The following OSBPL5 variants were observed in gnomAD, a reference collection of about 807,000 sequenced individuals.
OSBPL5 encodes the protein oxysterol binding protein like 5.
Under a neutral mutation model 111.2 loss-of-function variants are expected in OSBPL5, and 71 were observed. That is an observed-to-expected ratio of 0.64 (90% confidence interval 0.53 to 0.78). OSBPL5 has a LOEUF of 0.78. OSBPL5 is among the 30% of genes least tolerant of loss of function. OSBPL5 has a pLI of 0.00. For missense variants in OSBPL5, 1,210 were observed against 1,189.3 expected, an observed-to-expected ratio of 1.02 and a Z score of -0.26; for synonymous variants, 549 against 513.9, an observed-to-expected ratio of 1.07 and a Z score of -0.93.
chr11:3,165,005 G>C lies in OSBPL5; in HGVS notation c.-22+211C>G, dbSNP rs1345500222. The stretch of plus-strand genomic sequence containing the variant: ...CGCCCCCAGGCTCCCGCGCTCCCCA[G>C]CTCCCCAGCGCGCGACCGGCCCCGC... On this transcript the variant is annotated intron_variant, in intron 1 of 21. Transcript: ENST00000263650. This position sits in a 1 kb window ranked among gnomAD's most constrained non-coding sequence, Gnocchi z 7.4. Among the ~76,000 whole-genome samples the C allele has an allele frequency of 2.0e-5, 3 of 149,012 alleles. No homozygotes were observed. The highest frequency in any genetic ancestry group is 4.5e-5 in the Non-Finnish European group (3 of 67,344).
At chr11:3,133,092 C>T (rs890445907) in intron 1 of OSBPL5, among the ~76,000 whole-genome samples, 1 of 152,244 alleles carries the variant, frequency 6.6e-6, no homozygotes, top group Non-Finnish European at 1.5e-5. Flanking sequence ...GGCTGATTTC[C>T]ACTGGAACCC....
intron 20 of OSBPL5, among the ~76,000 whole-genome samples, 185 bp downstream of exon 20, chr11:3,090,373 G>A (rs1175717278): frequency 6.6e-6 from 1 of 151,804 alleles, no homozygotes; most frequent in East Asian, 1.9e-4. Flanking sequence ...GTTGGCCCTT[G>A]GGCTGCCTCC....
intron 1 of OSBPL5, among the ~76,000 whole-genome samples, chr11:3,145,947 C>T (rs11025603): frequency 0.18 from 27,354 of 152,110 alleles, 2,786 homozygotes; most frequent in African/African-American, 0.27. Flanking sequence ...TACATCCTCC[C>T]GGGGTCACAA....
chr11:3,101,305 T>C (rs754422413), intron 13 of OSBPL5, among the ~76,000 whole-genome samples: 14 of 152,080 alleles, frequency 9.2e-5, no homozygotes, highest in Non-Finnish European at 1.6e-4. Context: ...CCAATTCAAA[T>C]AGTCATGCAG....
chr11:3,120,089 G>T (rs767319674), intron 6 of OSBPL5: 58 of 478,892 alleles, frequency 1.2e-4, no homozygotes, highest in Non-Finnish European at 1.5e-4. Context: ...AGAGCTGGCA[G>T]GGCAGCCCCG....
Position 3,100,150 on chromosome 11 carries a change from C to A in OSBPL5, c.1621+8G>T, listed in dbSNP as rs1185301867. ...TCTGCCCTCGGAGTGTGTGGCTGAG[C>A]CTCTCACCTTTGCAGTGGGCGTAGG... On this transcript the variant is annotated splice_region_variant and intron_variant, in intron 14 of 21. Transcript: ENST00000263650. 1 of 1,613,658 alleles carries A rather than the reference C, an allele frequency of 6.2e-7. No homozygotes were observed. Among genetic ancestry groups the A allele is most frequent in the Non-Finnish European group, 8.5e-7 (1 of 1,179,728 alleles).
rs1227879264 is a variant in OSBPL5 at position 3,089,880 on chromosome 11, G to A, written c.2467C>T (p.Leu823Phe). The A allele has an allele frequency of 1.9e-6, 3 of 1,565,242 alleles. No homozygotes were observed. The highest frequency in any genetic ancestry group is 1.4e-5 in the African/African-American group (1 of 73,812). ...TCCTGCTGGGCCTCTCGGATGGAGA[G>A]GATGGCCTCGTGCAGGGCCTGCAGC... ...RRLQALHEAI[L>F]SIREAQQELH... Residue 823 changes from leucine to phenylalanine, a missense_variant, in exon 21 of 22, where the codon CTC (leucine) becomes TTC (phenylalanine). Leu to Phe is a conservative substitution (Grantham distance 22, BLOSUM62 0). Transcript: ENST00000263650.
intron 12 of OSBPL5, 73 bp downstream of exon 12, chr11:3,102,110 A>G (rs987851162): frequency 2.1e-6 from 3 of 1,453,840 alleles, no homozygotes; most frequent in Admixed American, 2.0e-5. Context: ...GCCTGCTGCC[A>G]GGGCCCCGCC....
In OSBPL5 at chr11:3,121,918, C is replaced by T; in HGVS notation, c.402+79G>A. On this transcript the variant is annotated intron_variant, in intron 5 of 21. Transcript: ENST00000263650. The surrounding 1 kb of genome is among the most constrained non-coding windows in gnomAD (Gnocchi z 4.3). ...GAAGTGAATTTCCATCGTTTCAGGCCACCTGGTTTATGGTCCTTTGTTATG... is the reference window on the plus strand; with the variant it reads ...GAAGTGAATTTCCATCGTTTCAGGCTACCTGGTTTATGGTCCTTTGTTATG... 1.5e-6 allele frequency: 2 copies of T among 1,303,382 alleles called. No homozygotes were observed. Among genetic ancestry groups the T allele is most frequent in the Non-Finnish European group, 2.1e-6 (2 of 937,600 alleles). 80.7% of individuals were successfully genotyped at this position (1,303,382 alleles called of 1,614,324 possible).
At position 3,162,789 on chromosome 11, in the gene OSBPL5, C is replaced by T. The variant is rs1056723517; in HGVS notation, c.-22+2427G>A. On this transcript the variant is annotated intron_variant, in intron 1 of 21. Coordinates refer to ENST00000263650, the MANE Select transcript of OSBPL5 (RefSeq NM_020896.4). This position sits in a 1 kb window ranked among gnomAD's most constrained non-coding sequence, Gnocchi z 8.1. ...GTAAGTCATCAAGCAAAGCTGGCAT[C>T]GAGAACAATATTCTTTTCCTTTGTG... Among the ~76,000 whole-genome samples the T allele has an allele frequency of 6.6e-6, 1 of 152,012 alleles. No individual in the cohort carries two copies. Among genetic ancestry groups the T allele is most frequent in the South Asian group, 2.1e-4 (1 of 4,828 alleles).
At chr11:3,152,626 C>T (rs569457313) in intron 1 of OSBPL5, among the ~76,000 whole-genome samples, 16 of 152,288 alleles carry the variant, frequency 1.1e-4, no homozygotes, top group South Asian at 4.1e-4. Flanking sequence ...CGGGCTCAGG[C>T]GAGGCACGCA....
At chr11:3,096,491 C>T (rs1024456695) in intron 14 of OSBPL5, among the ~76,000 whole-genome samples, 4 of 151,720 alleles carry the variant, frequency 2.6e-5, no homozygotes, top group Admixed American at 6.6e-5. Context: ...TGGTGGCGCA[C>T]GCATGTAATG....
Position 3,161,301 on chromosome 11 carries a change from C to T in OSBPL5, c.-22+3915G>A, listed in dbSNP as rs1486112941. 1.3e-5 allele frequency: 2 copies of T among 152,248 alleles called. No homozygotes were observed. Among genetic ancestry groups the T allele is most frequent in the Non-Finnish European group, 2.9e-5 (2 of 68,046 alleles). 9.4% of individuals were successfully genotyped at this position (152,248 alleles called of 1,614,324 possible). Reference sequence around the variant, plus strand: ...TATTAGGCATCCCGAGGAGGTGAGACACCCTAAGGGCTCCATTCCTAAATC... The same window carrying T: ...TATTAGGCATCCCGAGGAGGTGAGATACCCTAAGGGCTCCATTCCTAAATC... On this transcript the variant is annotated intron_variant, in intron 1 of 21. Coordinates refer to ENST00000263650, the MANE Select transcript of OSBPL5 (RefSeq NM_020896.4). The surrounding 1 kb of genome is among the most constrained non-coding windows in gnomAD (Gnocchi z 8.0).
rs1222384184 is a variant in OSBPL5 at position 3,140,915 on chromosome 11, G to A, written c.-21-11746C>T. 6.6e-6 allele frequency among the ~76,000 whole-genome samples: 1 copy of A among 151,966 alleles called. No homozygotes were observed. Among genetic ancestry groups the A allele is most frequent in the East Asian group, 1.9e-4 (1 of 5,148 alleles). On this transcript the variant is annotated intron_variant, in intron 1 of 21. Transcript: ENST00000263650. This position sits in a 1 kb window ranked among gnomAD's most constrained non-coding sequence, Gnocchi z 4.5. ...TGGGTGTGACAGCCCAGGGGGCCCTGGGGCCAGGTGACCACCTCAGAGCCA... is the reference window on the plus strand; with the variant it reads ...TGGGTGTGACAGCCCAGGGGGCCCTAGGGCCAGGTGACCACCTCAGAGCCA...
intron 7 of OSBPL5, among the ~76,000 whole-genome samples, chr11:3,115,108 G>T (rs1036090261): frequency 6.6e-6 from 1 of 151,860 alleles, no homozygotes; most frequent in African/African-American, 2.4e-5. Flanking sequence ...GTTTTTTTGT[G>T]TGTGTGTGGC....
intron 14 of OSBPL5, 164 bp from the exon 15 acceptor site, chr11:3,094,498 G>A (rs569085131): frequency 4.5e-5 from 27 of 603,434 alleles, no homozygotes; most frequent in African/African-American, 3.2e-4. Context: ...GACAGGAGGC[G>A]CTGGGAGCAG....
Position 3,126,890 on chromosome 11 carries a change from A to G in OSBPL5, c.137-335T>C, listed in dbSNP as rs1325522540. Among the ~76,000 whole-genome samples the G allele has an allele frequency of 2.6e-5, 4 of 152,166 alleles. No individual in the cohort carries two copies. The East Asian group carries it at 5.8e-4, about 22-fold the overall frequency. On this transcript the variant is annotated intron_variant, in intron 2 of 21. Coordinates refer to ENST00000263650, the MANE Select transcript of OSBPL5 (RefSeq NM_020896.4). This position sits in a 1 kb window ranked among gnomAD's most constrained non-coding sequence, Gnocchi z 6.5. The stretch of plus-strand genomic sequence containing the variant: ...AGGCCAGAGTCCCCAGTTTTCAGAA[A>G]AAGAATGTGACATCCAGTCTCAAAG...
chr11:3,095,881 A>G (rs776931180), intron 14 of OSBPL5, among the ~76,000 whole-genome samples: 8 of 152,186 alleles, frequency 5.3e-5, no homozygotes, highest in Non-Finnish European at 1.2e-4. Context: ...ATCAATGTCC[A>G]CTAATGTCAC....
chr11:3,107,879 C>T lies in OSBPL5; in HGVS notation c.758G>A (p.Cys253Tyr), dbSNP rs200769745. The change falls in exon 8 of 22, where the codon TGC (cysteine) becomes TAC (tyrosine). Residue 253 changes from cysteine (C) to tyrosine (Y), a missense_variant. Transcript: ENST00000263650. The surrounding 1 kb of genome is among the most constrained non-coding windows in gnomAD (Gnocchi z 6.1). ...RCSSLLRLGTCKPGRDGEPGT... is the reference protein window; with the variant it reads ...RCSSLLRLGTYKPGRDGEPGT... Reference sequence around the variant, plus strand: ...TGGCTCCCCGTCTCGGCCCGGCTTGCAGGTGCCCAGTCTCAGTAGGCTAGA... The same window carrying T: ...TGGCTCCCCGTCTCGGCCCGGCTTGTAGGTGCCCAGTCTCAGTAGGCTAGA... The T allele has an allele frequency of 5.6e-6, 9 of 1,607,032 alleles. No individual in the cohort carries two copies. Among genetic ancestry groups the T allele is most frequent in the Non-Finnish European group, 7.6e-6 (9 of 1,179,886 alleles).
Sources: allele counts gnomAD v4.1 joint callset (sites outside exome capture counted in the v4.1 genomes callset), GRCh38; gene constraint gnomAD v4.1.1; non-coding constraint Gnocchi (gnomAD v3.1); transcripts MANE v1.5; gene names NCBI Gene and HGNC (gene_info 2026-07-23, HGNC 2026-07-21).